Variants in IPO5 observed in about 807,000 individuals in gnomAD.
IPO5 encodes importin-5.
A neutral mutation model predicts 143.3 loss-of-function variants in IPO5; 18 were observed. The ratio of observed to expected loss-of-function variants is 0.13; its 90% CI spans 0.09 to 0.19. IPO5 has a LOEUF of 0.19. Among genes scored for constraint, IPO5 ranks in the 10% least tolerant of loss-of-function variants. The pLI is 1.00. For missense variants in IPO5, 1,013 were observed against 1,336.9 expected (o/e 0.76, Z 3.78); for synonymous variants, 477 against 465.7 (o/e 1.02, Z -0.31).
At chr13:97,977,801 G>GT (rs1886509476) in intron 4 of IPO5, among the ~76,000 whole-genome samples, 1 of 152,158 alleles carries the variant, frequency 6.6e-6, no homozygotes, top group African/African-American at 2.4e-5. Context: ...GCCAAACTTG[G>GT]TTATATATGG....
intron 4 of IPO5, chr13:97,981,259 GT>G (rs1325120823): frequency 2.2e-6 from 1 of 456,228 alleles, no homozygotes; most frequent in Admixed American, 2.4e-5. Context: ...TGTTTGAAAA[GT>G]TTGAAACCTG....
intron 2 of IPO5, among the ~76,000 whole-genome samples, chr13:97,959,099 G>A (rs1012960647): frequency 6.6e-6 from 1 of 151,786 alleles, no homozygotes; most frequent in African/African-American, 2.4e-5. Context: ...TTGAACCTAG[G>A]AGGCAGAGGT....
In IPO5 at chr13:98,014,292, AT is replaced by A; in HGVS notation, c.2325+81del. 13 of 1,102,522 alleles carry A rather than the reference AT, an allele frequency of 1.2e-5. No individual in the cohort carries two copies. In the East Asian group the frequency reaches 1.5e-4, roughly 13 times the overall value. The allele number at this position is 1,102,522 out of a possible 1,614,324, so 68.3% of individuals were successfully genotyped here. ...GTCTTGCTAAAAGTAAAAAAAAAAA[AT>A]TTGAGACAGGGTATTGCTCTGTCAC... On this transcript the variant is annotated intron_variant, in intron 22 of 28. Transcript: ENST00000651721.
chr13:97,995,964 C>T (rs1229590183), intron 11 of IPO5, among the ~76,000 whole-genome samples: 3 of 152,064 alleles, frequency 2.0e-5, no homozygotes, highest in Non-Finnish European at 4.4e-5. Context: ...AATTTTTTGA[C>T]CAATCAGATA....
intron 3 of IPO5, chr13:97,975,977 C>A (rs1886254892): frequency 1.0e-6 from 1 of 985,212 alleles, no homozygotes. Flanking sequence ...GGTCTGAAAG[C>A]GAGAAGTCCG....
chr13:97,977,011 C>T (rs1436047223), intron 4 of IPO5: 1 of 207,944 alleles, frequency 4.8e-6, no homozygotes, highest in Non-Finnish European at 1.0e-5. Context: ...ACCTCCCCGC[C>T]GCCGCTCGCA....
In IPO5 at chr13:98,002,655, T is replaced by A. The variant is rs1349761097; in HGVS notation, c.1234-29T>A. 4 of 1,606,914 alleles carry A rather than the reference T, an allele frequency of 2.5e-6. No homozygotes were observed. The South Asian group carries it at 3.3e-5, about 13-fold the overall frequency. On this transcript the variant is annotated intron_variant, in intron 14 of 28. Coordinates refer to ENST00000651721, the MANE Select transcript of IPO5 (RefSeq NM_002271.6). ...TAGCTTCATGTGGAAACCTTCTTGCTTTTACTAATGAAAGGGAACATTTTC... is the reference window on the plus strand; with the variant it reads ...TAGCTTCATGTGGAAACCTTCTTGCATTTACTAATGAAAGGGAACATTTTC...
At chr13:98,010,328 A>G (rs1374893688) in intron 20 of IPO5, 104 bp downstream of exon 20, 10 of 1,008,874 alleles carry the variant, frequency 9.9e-6, no homozygotes, top group Non-Finnish European at 1.4e-5. Context: ...AGAGCCAGTA[A>G]TATGTTCCTT....
intron 21 of IPO5, 107 bp from the exon 22 acceptor site, chr13:98,013,935 G>A (rs749798090): frequency 7.2e-5 from 61 of 843,116 alleles, no homozygotes; most frequent in South Asian, 9.9e-5. Context: ...AAGCTCTTGG[G>A]TATCTTAGAT....
At chr13:98,004,564 G>C (rs1889058901) in intron 16 of IPO5, among the ~76,000 whole-genome samples, 1 of 152,148 alleles carries the variant, frequency 6.6e-6, no homozygotes, top group Admixed American at 6.5e-5. Context: ...GCACTATATG[G>C]GTTTTTAAAG....
At chr13:97,988,409 G>A (rs539871983) in intron 6 of IPO5, among the ~76,000 whole-genome samples, 13 of 152,250 alleles carry the variant, frequency 8.5e-5, no homozygotes, top group African/African-American at 2.2e-4. Context: ...CTCTTTAATA[G>A]CAATGGTATA....
intron 20 of IPO5, among the ~76,000 whole-genome samples, chr13:98,011,705 C>T (rs1445665720): frequency 2.0e-5 from 3 of 152,200 alleles, no homozygotes; most frequent in Admixed American, 2.0e-4. Context: ...CGGGGTTTCA[C>T]TGTGTTGGCC....
chr13:98,007,967 G>A, intron 17 of IPO5, 92 bp from the exon 18 acceptor site: 2 of 700,306 alleles, frequency 2.9e-6, no homozygotes, highest in East Asian at 2.6e-5. Flanking sequence ...ACCTATGTGG[G>A]CAATGTAGTC....
intron 11 of IPO5, among the ~76,000 whole-genome samples, chr13:97,995,731 GGCAACAGA>G (rs2139725561): frequency 6.6e-6 from 1 of 151,980 alleles, no homozygotes; most frequent in South Asian, 2.1e-4. Flanking sequence ...CTGCAGCCTG[GGCAACAGA>G]GCAAGACTCT....
At chr13:97,972,581 C>T (rs1448690237) in intron 3 of IPO5, among the ~76,000 whole-genome samples, 1 of 152,198 alleles carries the variant, frequency 6.6e-6, no homozygotes, top group Non-Finnish European at 1.5e-5. Context: ...AGCAAATTTG[C>T]CTCCAGCACT....
intron 4 of IPO5, among the ~76,000 whole-genome samples, chr13:97,979,714 T>C (rs1197165409): frequency 6.6e-6 from 1 of 152,248 alleles, no homozygotes; most frequent in Non-Finnish European, 1.5e-5. Flanking sequence ...GTGTTTTTTG[T>C]AGAGACAGGG....
chr13:98,010,360 A>G (rs1889594682), intron 20 of IPO5, 136 bp downstream of exon 20: 1 of 811,214 alleles, frequency 1.2e-6, no homozygotes, highest in Admixed American at 3.1e-5. Flanking sequence ...TTTTCTTTCC[A>G]TTTTAAAGAA....
chr13:97,990,593 A>G (rs1199963655), intron 9 of IPO5, 56 bp downstream of exon 9: 2 of 957,354 alleles, frequency 2.1e-6, no homozygotes, highest in South Asian at 3.0e-5. Context: ...TCTTTAATGC[A>G]TTCAATCATT....
rs1470498186 is a variant in IPO5 at position 98,000,523 on chromosome 13, C to G, written c.1002-16C>G. On this transcript the variant is annotated splice_polypyrimidine_tract_variant and intron_variant, in intron 12 of 28. Coordinates refer to ENST00000651721, the MANE Select transcript of IPO5 (RefSeq NM_002271.6). ...TTTCAGATATATTGAGTACATAATT[C>G]TGTTTATGTGTTTAGCAATGCAGTT... 1 of 1,533,036 alleles carries G rather than the reference C, an allele frequency of 6.5e-7. No individual in the cohort carries two copies. Among genetic ancestry groups the G allele is most frequent in the African/African-American group, 1.4e-5 (1 of 73,278 alleles). The allele number at this position is 1,533,036 out of a possible 1,614,324, so 95.0% of individuals were successfully genotyped here. A position where few individuals can be genotyped will look rare whatever the true frequency, so the allele number is the denominator to read the frequency against.
Sources: allele counts gnomAD v4.1 joint callset (sites outside exome capture counted in the v4.1 genomes callset), GRCh38; gene constraint gnomAD v4.1.1; transcripts MANE v1.5; gene names NCBI Gene and HGNC (gene_info 2026-07-23, HGNC 2026-07-21).